Variants in PDCD1LG2 observed in about 807,000 individuals in gnomAD.
The protein encoded by PDCD1LG2 is programmed cell death 1 ligand 2.
In PDCD1LG2, 32 loss-of-function variants were observed where a neutral mutation model predicts 28.2. The ratio of observed to expected loss-of-function variants is 1.13; its 90% CI spans 0.86 to 1.52. PDCD1LG2 has a LOEUF of 1.52. Ranked by LOEUF, PDCD1LG2 falls within the 40% of genes most tolerant of loss-of-function variation. The pLI, the probability that PDCD1LG2 is intolerant of heterozygous loss-of-function variation, is 0.00. For missense variants in PDCD1LG2, 385 were observed against 323.8 expected (o/e 1.19, Z -1.45); for synonymous variants, 116 against 120.2 (o/e 0.97, Z 0.23).
At chr9:5,511,334 C>T (rs1820052915) in intron 1 of PDCD1LG2, among the ~76,000 whole-genome samples, 1 of 152,140 alleles carries the variant, frequency 6.6e-6, no homozygotes, top group African/African-American at 2.4e-5. Flanking sequence ...GATTTGGGGA[C>T]TATGGAAAGG....
intron 5 of PDCD1LG2, among the ~76,000 whole-genome samples, chr9:5,562,035 G>T (rs770561767): frequency 6.6e-6 from 1 of 152,152 alleles, no homozygotes; most frequent in Admixed American, 6.5e-5. Flanking sequence ...GCCAAGCTCA[G>T]GATAGTCATG....
Position 5,534,960 on chromosome 9 carries a change from C to T in PDCD1LG2, c.271C>T (p.Gln91Ter), listed in dbSNP as rs376982371. The change falls in exon 3 of 7, where the codon CAA becomes TAA. Residue 91 changes from glutamine to a stop codon, truncating the protein, a stop_gained. Coordinates refer to ENST00000397747, the MANE Select transcript of PDCD1LG2 (RefSeq NM_025239.4). LOFTEE classifies it high-confidence loss of function. ...PLGKASFHIP[Q>*]VQVRDEGQYQ... ...AGGGAAGGCCTCGTTCCACATACCT[C>T]AAGTCCAAGTGAGGGACGAAGGACA... The T allele has an allele frequency of 1.1e-5, 18 of 1,614,022 alleles. No individual in the cohort carries two copies. The African/African-American group carries it at 2.4e-4, about 22-fold the overall frequency.
intron 3 of PDCD1LG2, 22 bp from the exon 4 acceptor site, chr9:5,549,313 C>A (rs777137326): frequency 5.7e-6 from 9 of 1,587,934 alleles, no homozygotes; most frequent in Non-Finnish European, 7.7e-6. Flanking sequence ...AGTCTTATTT[C>A]TTTTTCTTCT....
chr9:5,553,038 T>C (rs751828206), intron 4 of PDCD1LG2, among the ~76,000 whole-genome samples: 13 of 152,110 alleles, frequency 8.5e-5, no homozygotes, highest in Non-Finnish European at 1.8e-4. Flanking sequence ...GCCCAGTAGA[T>C]TGAGGTTACA....
chr9:5,546,606 T>G (rs1816212061), intron 3 of PDCD1LG2, among the ~76,000 whole-genome samples: 1 of 152,158 alleles, frequency 6.6e-6, no homozygotes, highest in Admixed American at 6.5e-5. Flanking sequence ...TGCTGGGTGC[T>G]CCTAAGAACC....
Position 5,534,997 on chromosome 9 carries a change from T to A in PDCD1LG2, c.308T>A (p.Ile103Lys). 6.2e-7 allele frequency: 1 copy of A among 1,614,036 alleles called. No homozygotes were observed. The highest frequency in any genetic ancestry group is 8.5e-7 in the Non-Finnish European group (1 of 1,179,976). ...QVRDEGQYQC[I>K]IIYGVAWDYK... ...AGGGACGAAGGACAGTACCAATGCA[T>A]AATCATCTATGGGGTCGCCTGGGAC... Residue 103 changes from isoleucine to lysine, a missense_variant, in exon 3 of 7, where the codon ATA (isoleucine) becomes AAA (lysine). By Grantham distance (102) the Ile-to-Lys change is moderately radical. Transcript: ENST00000397747.
intron 3 of PDCD1LG2, among the ~76,000 whole-genome samples, chr9:5,537,625 A>G (rs1039386367): frequency 6.6e-6 from 1 of 152,202 alleles, no homozygotes; most frequent in African/African-American, 2.4e-5. Context: ...AAACTATCCC[A>G]AGGACAAAAA....
chr9:5,525,964 T>C (rs1218602009), intron 2 of PDCD1LG2, among the ~76,000 whole-genome samples: 1 of 151,334 alleles, frequency 6.6e-6, no homozygotes, highest in African/African-American at 2.4e-5. Context: ...GGAGAATCGC[T>C]TGAACCAGGG....
intron 4 of PDCD1LG2, among the ~76,000 whole-genome samples, chr9:5,556,670 C>A (rs1461052738): frequency 1.3e-5 from 2 of 152,174 alleles, no homozygotes; most frequent in African/African-American, 4.8e-5. Context: ...GAGGACTGAG[C>A]CCTTCCCGCT....
At chr9:5,568,124 T>A (rs1441958341) in intron 6 of PDCD1LG2, among the ~76,000 whole-genome samples, 2 of 152,210 alleles carry the variant, frequency 1.3e-5, no homozygotes, top group Non-Finnish European at 2.9e-5. Context: ...AACTCCTACA[T>A]GTCAAGCAAA....
At chr9:5,511,379 G>T (rs1486388516) in intron 1 of PDCD1LG2, among the ~76,000 whole-genome samples, 1 of 152,172 alleles carries the variant, frequency 6.6e-6, no homozygotes, top group African/African-American at 2.4e-5. Context: ...CAGCGAAAAG[G>T]TAGAAAAATT....
At chr9:5,551,304 G>C (rs1036318376) in intron 4 of PDCD1LG2, among the ~76,000 whole-genome samples, 3 of 152,178 alleles carry the variant, frequency 2.0e-5, no homozygotes, top group African/African-American at 7.2e-5. Context: ...GTATTTCACA[G>C]TTTGCCCTTT....
rs55935612 is a variant in PDCD1LG2 at position 5,529,843 on chromosome 9, G to C, written c.56-4902G>C. Among the ~76,000 whole-genome samples the C allele has an allele frequency of 6.4e-3, 975 of 152,254 alleles. 12 individuals carry two copies. The highest frequency in any genetic ancestry group is 0.023 in the African/African-American group (937 of 41,528). The stretch of plus-strand genomic sequence containing the variant: ...AAGGAGAATAATCAGGTTGGGGAAA[G>C]GATTTCTATGCGAAGACATGTCTCC... On this transcript the variant is annotated intron_variant, in intron 2 of 6. Coordinates refer to ENST00000397747, the MANE Select transcript of PDCD1LG2 (RefSeq NM_025239.4).
Position 5,510,596 on chromosome 9 carries a change from G to A in PDCD1LG2, c.-222G>A, listed in dbSNP as rs970473359. ...TTTCTTCTCTTGAATATATCTTAAC[G>A]CCAAATTTTGAGTGCTTTTTTGTTA... is the stretch of plus-strand genomic sequence containing the variant. On this transcript the variant is annotated 5_prime_UTR_variant, in exon 1 of 7. Coordinates refer to ENST00000397747, the MANE Select transcript of PDCD1LG2 (RefSeq NM_025239.4). The A allele has an allele frequency of 1.3e-5, 2 of 152,544 alleles. No individual in the cohort carries two copies. Among genetic ancestry groups the A allele is most frequent in the Non-Finnish European group, 2.9e-5 (2 of 68,036 alleles). 9.4% of individuals were successfully genotyped at this position (152,544 alleles called of 1,614,324 possible).
intron 5 of PDCD1LG2, 150 bp downstream of exon 5, chr9:5,557,902 TC>T: frequency 2.0e-6 from 2 of 1,005,230 alleles, no homozygotes; most frequent in Non-Finnish European, 2.9e-6. Context: ...TGATTATTTT[TC>T]CCCAGAAGAA....
intron 1 of PDCD1LG2, among the ~76,000 whole-genome samples, chr9:5,517,397 C>T (rs1359638335): frequency 6.6e-6 from 1 of 152,044 alleles, no homozygotes; most frequent in Non-Finnish European, 1.5e-5. Context: ...CAATGGATGG[C>T]GGTTGGTAGG....
chr9:5,529,956 G>A (rs1820450296), intron 2 of PDCD1LG2, among the ~76,000 whole-genome samples: 1 of 152,162 alleles, frequency 6.6e-6, no homozygotes, highest in Admixed American at 6.5e-5. Flanking sequence ...GTTTTCTGAA[G>A]AATGTGGCTA....
intron 4 of PDCD1LG2, among the ~76,000 whole-genome samples, chr9:5,549,816 G>T (rs1259239929): frequency 6.6e-6 from 1 of 152,216 alleles, no homozygotes; most frequent in Non-Finnish European, 1.5e-5. Flanking sequence ...GGAATCAGAA[G>T]GGAGCTGTAG....
At chr9:5,541,722 T>C (rs1820689682) in intron 3 of PDCD1LG2, among the ~76,000 whole-genome samples, 1 of 152,098 alleles carries the variant, frequency 6.6e-6, no homozygotes, top group Non-Finnish European at 1.5e-5. Flanking sequence ...GTACAATCAA[T>C]ATTGTGAAAA....
Sources: allele counts gnomAD v4.1 joint callset (sites outside exome capture counted in the v4.1 genomes callset), GRCh38; gene constraint gnomAD v4.1.1; transcripts MANE v1.5; gene names NCBI Gene and HGNC (gene_info 2026-07-23, HGNC 2026-07-21).